ZFHX3: variants seen among roughly 807,000 people sequenced by gnomAD.
The protein encoded by ZFHX3 is zinc finger homeobox 3.
ZFHX3 carries 42 observed loss-of-function variants against 279.1 expected under a neutral mutation model. That is an observed-to-expected ratio of 0.15 (90% CI 0.12 to 0.19). The LOEUF (loss-of-function observed/expected upper bound fraction) is 0.19, where lower values mean the gene tolerates loss of function less well. Ranked by LOEUF, ZFHX3 falls within the 10% of genes least tolerant of loss-of-function variation. The pLI, the probability that ZFHX3 is intolerant of heterozygous loss-of-function variation, is 1.00. For missense variants in ZFHX3, 4,981 were observed against 4,754.0 expected, an observed-to-expected ratio of 1.05 and a Z score of -1.40; for synonymous variants, 2,293 against 1,957.8, an observed-to-expected ratio of 1.17 and a Z score of -4.52.
intron 1 of ZFHX3, among the ~76,000 whole-genome samples, chr16:72,977,331 T>C (rs1427864214): frequency 6.6e-6 from 1 of 152,082 alleles, no homozygotes; most frequent in Non-Finnish European, 1.5e-5. Flanking sequence ...GGTTGGCGGG[T>C]TGACACACTC....
chr16:73,444,401 TC>T (rs1323661564), intron 3 of ZFHX3, among the ~76,000 whole-genome samples: 2 of 152,216 alleles, frequency 1.3e-5, no homozygotes, highest in African/African-American at 4.8e-5. Flanking sequence ...CTCTACCATT[TC>T]TCTCTACCTT....
chr16:72,994,639 C>T (rs1173476585), intron 1 of ZFHX3, among the ~76,000 whole-genome samples: 4 of 152,254 alleles, frequency 2.6e-5, no homozygotes, highest in Non-Finnish European at 5.9e-5. Context: ...CTGGCCCGCA[C>T]ATCTGCAGGG....
intron 3 of ZFHX3, among the ~76,000 whole-genome samples, chr16:73,363,921 C>A (rs189072361): frequency 2.7e-4 from 41 of 152,140 alleles, no homozygotes; most frequent in Middle Eastern, 6.8e-3. Context: ...GCCTGTAATC[C>A]CCGCACTTTG....
chr16:73,146,527 A>G (rs893278541), intron 5 of ZFHX3, among the ~76,000 whole-genome samples: 4 of 152,130 alleles, frequency 2.6e-5, no homozygotes, highest in Admixed American at 6.5e-5. Flanking sequence ...ACAATAAACA[A>G]CTAGAAAGCA....
chr16:73,637,944 T>G (rs951034313), intron 2 of ZFHX3, among the ~76,000 whole-genome samples: 1 of 152,156 alleles, frequency 6.6e-6, no homozygotes, highest in Non-Finnish European at 1.5e-5. Context: ...CTCTGGTAAA[T>G]AAAGGCTTGA....
chr16:73,833,865 T>C (rs2142361075), intron 1 of ZFHX3, among the ~76,000 whole-genome samples: 1 of 150,486 alleles, frequency 6.6e-6, no homozygotes, highest in East Asian at 2.0e-4. Flanking sequence ...TTGTATGATG[T>C]GTGTGTGATT....
intron 3 of ZFHX3, chr16:73,421,259 G>A (rs978381513): frequency 5.9e-5 from 9 of 152,160 alleles, no homozygotes; most frequent in African/African-American, 1.7e-4. Context: ...ACTGTGATTA[G>A]ATATTTTTCT....
chr16:73,186,930 TA>T (rs1204444682), intron 5 of ZFHX3, among the ~76,000 whole-genome samples: 1 of 152,194 alleles, frequency 6.6e-6, no homozygotes, highest in Non-Finnish European at 1.5e-5. Context: ...TATGTACAGA[TA>T]CTACTGAAAC....
At chr16:73,258,338 C>CATATATATATATATATATATATATATAT (rs59013847) in intron 4 of ZFHX3, among the ~76,000 whole-genome samples, 13 of 124,932 alleles carry the variant, frequency 1.0e-4, no homozygotes, top group African/African-American at 3.7e-4. Flanking sequence ...TTTGCTATGA[C>CATATATATATATATATATATATATATAT]ATATATATAT....
intron 2 of ZFHX3, among the ~76,000 whole-genome samples, chr16:73,661,468 C>T (rs907184215): frequency 6.6e-6 from 1 of 152,116 alleles, no homozygotes; most frequent in Admixed American, 6.5e-5. Context: ...CGCCTATAAT[C>T]CCAGCACTTT....
chr16:72,846,746 GTGCAGATACGGATGTGGC>G (rs1240054984), intron 4 of ZFHX3, among the ~76,000 whole-genome samples: 3 of 152,192 alleles, frequency 2.0e-5, no homozygotes, highest in Non-Finnish European at 4.4e-5. Flanking sequence ...CAATATATCA[GTGCAGATACGGATGTGGC>G]TGCAGATACA....
At chr16:73,213,373 G>T (rs1259630451) in intron 5 of ZFHX3, among the ~76,000 whole-genome samples, 1 of 152,166 alleles carries the variant, frequency 6.6e-6, no homozygotes, top group African/African-American at 2.4e-5. Context: ...TCTCTCAACT[G>T]TAAGCACCAA....
chr16:73,702,670 T>C (rs529137124), intron 1 of ZFHX3, among the ~76,000 whole-genome samples: 1 of 152,178 alleles, frequency 6.6e-6, no homozygotes, highest in East Asian at 1.9e-4. Context: ...CCTGAAAAGA[T>C]GAGACAGCGC....
chr16:73,669,050 A>ACT (rs2052875013), intron 2 of ZFHX3, among the ~76,000 whole-genome samples: 1 of 149,068 alleles, frequency 6.7e-6, no homozygotes, highest in African/African-American at 2.5e-5. Flanking sequence ...TCTATTTATT[A>ACT]TTTTTTTTCT....
intron 2 of ZFHX3, among the ~76,000 whole-genome samples, chr16:73,645,222 G>A (rs1018245936): frequency 2.0e-5 from 3 of 152,168 alleles, no homozygotes; most frequent in Non-Finnish European, 2.9e-5. Flanking sequence ...GATTCCAAAT[G>A]TAGCATTTAA....
chr16:73,365,512 G>T (rs972830776), intron 3 of ZFHX3, among the ~76,000 whole-genome samples: 2 of 152,198 alleles, frequency 1.3e-5, no homozygotes, highest in African/African-American at 4.8e-5. Flanking sequence ...TCCCTTTACA[G>T]ATGAAGAAAC....
chr16:73,188,729 G>C (rs375037881), intron 5 of ZFHX3, among the ~76,000 whole-genome samples: 26 of 152,134 alleles, frequency 1.7e-4, no homozygotes, highest in East Asian at 5.8e-4. Context: ...CAAACCAGAA[G>C]AAAACCTGAG....
intron 5 of ZFHX3, among the ~76,000 whole-genome samples, chr16:72,819,451 T>A (rs1333921919): frequency 6.6e-6 from 1 of 152,188 alleles, no homozygotes; most frequent in African/African-American, 2.4e-5. Flanking sequence ...CGGGCAGGGC[T>A]CATTAAAACA....
chr16:73,716,650 C>T (rs4888650), intron 1 of ZFHX3, among the ~76,000 whole-genome samples: 2 of 10,066 alleles, frequency 2.0e-4, no homozygotes, highest in Non-Finnish European at 3.1e-3. Flanking sequence ...CACACACACA[C>T]GCATGCACGC....
Sources: gnomAD v4.1 joint callset for allele counts (sites outside exome capture counted in the v4.1 genomes callset) on GRCh38, gnomAD v4.1.1 for gene constraint, MANE v1.5 for transcripts, NCBI Gene and HGNC (gene_info 2026-07-23, HGNC 2026-07-21) for gene names.